ARHGAP12: variants seen among roughly 807,000 people sequenced by gnomAD.
The protein encoded by ARHGAP12 is Rho GTPase activating protein 12, also known as rho GTPase-activating protein 12.
ARHGAP12 carries 64 observed loss-of-function variants against 108.6 expected under a neutral mutation model. The ratio of observed to expected loss-of-function variants is 0.59; its 90% CI spans 0.48 to 0.73. The LOEUF (loss-of-function observed/expected upper bound fraction) is 0.73, where lower values mean the gene tolerates loss of function less well. Ranked by LOEUF, ARHGAP12 falls within the 30% of genes least tolerant of loss-of-function variation. The pLI is 0.00. For missense variants in ARHGAP12, 940 were observed against 1,005.9 expected (o/e 0.93, Z 0.89); for synonymous variants, 312 against 337.2 (o/e 0.93, Z 0.82).
chr10:31,836,723 C>T (rs1326353314), intron 9 of ARHGAP12, among the ~76,000 whole-genome samples: 6 of 151,942 alleles, frequency 3.9e-5, no homozygotes, highest in Non-Finnish European at 7.4e-5. Flanking sequence ...TAACTGGGTA[C>T]GAGTGAGAAA....
chr10:31,852,471 T>C (rs533490819), intron 6 of ARHGAP12, 46 bp downstream of exon 6: 1 of 1,350,198 alleles, frequency 7.4e-7, no homozygotes, highest in Non-Finnish European at 1.1e-6. Context: ...CAGATATTAC[T>C]TCATCTACTA....
At chr10:31,830,667 C>G (rs550018019) in intron 10 of ARHGAP12, among the ~76,000 whole-genome samples, 1 of 152,208 alleles carries the variant, frequency 6.6e-6, no homozygotes, top group Non-Finnish European at 1.5e-5. Flanking sequence ...TCTTTAAATG[C>G]AACTTATACT....
intron 10 of ARHGAP12, chr10:31,826,742 T>C (rs1210835561): frequency 5.9e-6 from 1 of 170,780 alleles, no homozygotes; most frequent in Non-Finnish European, 1.2e-5. Flanking sequence ...CAAGAATTCT[T>C]ACTTAGAAGT....
chr10:31,875,545 T>C (rs1837698462), intron 3 of ARHGAP12, among the ~76,000 whole-genome samples: 1 of 152,208 alleles, frequency 6.6e-6, no homozygotes, highest in South Asian at 2.1e-4. Context: ...AATAGGATTG[T>C]TCTGTAATCA....
intron 3 of ARHGAP12, among the ~76,000 whole-genome samples, chr10:31,869,926 C>T (rs890833843): frequency 6.6e-6 from 1 of 152,152 alleles, no homozygotes; most frequent in African/African-American, 2.4e-5. Flanking sequence ...TAAGGAGCTA[C>T]ACCTCTTGCT....
intron 1 of ARHGAP12, among the ~76,000 whole-genome samples, chr10:31,926,716 C>T (rs1840063421): frequency 6.6e-6 from 1 of 152,156 alleles, no homozygotes; most frequent in Non-Finnish European, 1.5e-5. Context: ...TTGTAAAGTT[C>T]ACTTTCTATC....
At position 31,805,750 on chromosome 10, in the gene ARHGAP12, C is replaced by T. The variant is rs1834802653; in HGVS notation, c.*1908G>A. The stretch of plus-strand genomic sequence containing the variant: ...GATATATGTTCATGAACACCAAGAA[C>T]AAGAACATCACTGATTTGAGTCTAA... On this transcript the variant is annotated 3_prime_UTR_variant, in exon 20 of 20. Transcript: ENST00000344936. 1 of 151,070 alleles carries T rather than the reference C, an allele frequency of 6.6e-6. No individual in the cohort carries two copies. The highest frequency in any genetic ancestry group is 1.5e-5 in the Non-Finnish European group (1 of 67,882). 9.4% of individuals were successfully genotyped at this position (151,070 alleles called of 1,614,324 possible).
At chr10:31,842,844 A>G (rs1036220420) in intron 7 of ARHGAP12, among the ~76,000 whole-genome samples, 1 of 152,104 alleles carries the variant, frequency 6.6e-6, no homozygotes, top group Non-Finnish European at 1.5e-5. Context: ...ATGAAGCTAC[A>G]CTGTGAATAA....
intron 11 of ARHGAP12, among the ~76,000 whole-genome samples, chr10:31,820,978 T>C (rs1364515292): frequency 1.3e-5 from 2 of 152,270 alleles, no homozygotes; most frequent in South Asian, 2.1e-4. Flanking sequence ...TAAAATGCTA[T>C]GTACACAAAG....
chr10:31,836,653 T>C (rs1836028093), intron 9 of ARHGAP12, among the ~76,000 whole-genome samples: 1 of 152,186 alleles, frequency 6.6e-6, no homozygotes, highest in African/African-American at 2.4e-5. Flanking sequence ...TTCTTATCAC[T>C]AAGCCTTTAT....
intron 16 of ARHGAP12, 78 bp downstream of exon 16, chr10:31,810,571 A>G: frequency 9.8e-7 from 1 of 1,018,002 alleles, no homozygotes; most frequent in Non-Finnish European, 1.4e-6. Context: ...AAATCATAAA[A>G]ATTCTAGGAA....
intron 3 of ARHGAP12, among the ~76,000 whole-genome samples, chr10:31,888,616 C>T (rs1838275341): frequency 6.6e-6 from 1 of 152,160 alleles, no homozygotes. Flanking sequence ...ATGAATAATC[C>T]CCTCCTGGAC....
intron 3 of ARHGAP12, among the ~76,000 whole-genome samples, chr10:31,869,043 A>G (rs865863115): frequency 7.2e-5 from 11 of 152,360 alleles, no homozygotes; most frequent in South Asian, 4.1e-4. Flanking sequence ...TTACAAAAAC[A>G]TAAATACTGA....
intron 4 of ARHGAP12, among the ~76,000 whole-genome samples, chr10:31,855,877 C>A (rs1309887288): frequency 6.6e-6 from 1 of 152,150 alleles, no homozygotes; most frequent in East Asian, 1.9e-4. Flanking sequence ...TATTATACTA[C>A]AGAACCAGGC....
intron 1 of ARHGAP12, among the ~76,000 whole-genome samples, chr10:31,914,024 A>G (rs1839460290): frequency 6.6e-6 from 1 of 152,202 alleles, no homozygotes; most frequent in African/African-American, 2.4e-5. Context: ...TAGTTTCTTC[A>G]TCTTCAGTTG....
chr10:31,810,281 C>G (rs1343087384), intron 16 of ARHGAP12, among the ~76,000 whole-genome samples: 1 of 151,990 alleles, frequency 6.6e-6, no homozygotes, highest in African/African-American at 2.4e-5. Flanking sequence ...ACAGAAGAAA[C>G]TTAGTAAGTA....
intron 1 of ARHGAP12, among the ~76,000 whole-genome samples, chr10:31,924,471 A>G (rs1839947411): frequency 6.6e-6 from 1 of 152,184 alleles, no homozygotes. Flanking sequence ...GCTGTAATAG[A>G]GAAATACAAA....
intron 10 of ARHGAP12, among the ~76,000 whole-genome samples, chr10:31,827,581 G>A (rs775667736): frequency 6.6e-6 from 1 of 152,152 alleles, no homozygotes; most frequent in Non-Finnish European, 1.5e-5. Context: ...CATGAGGTCA[G>A]GAGATCGAGA....
chr10:31,812,200 G>T (rs1009567106), intron 15 of ARHGAP12, among the ~76,000 whole-genome samples: 2 of 151,836 alleles, frequency 1.3e-5, no homozygotes, highest in Admixed American at 6.6e-5. Context: ...TTTTTTTAAA[G>T]AATATTTTCC....
Sources: gnomAD v4.1 joint callset for allele counts (sites outside exome capture counted in the v4.1 genomes callset) on GRCh38, gnomAD v4.1.1 for gene constraint, MANE v1.5 for transcripts, NCBI Gene and HGNC (gene_info 2026-07-23, HGNC 2026-07-21) for gene names.